MICALL1: variants seen among roughly 807,000 people sequenced by gnomAD.
MICALL1 encodes MICAL-like protein 1.
MICALL1 carries 61 observed loss-of-function variants against 83.7 expected under a neutral mutation model. The observed-to-expected ratio is 0.73, with a 90% CI of 0.59 to 0.90. The LOEUF (loss-of-function observed/expected upper bound fraction) is 0.90. Ranked by LOEUF, MICALL1 falls within the 40% of genes least tolerant of loss-of-function variation. The probability of loss-of-function intolerance (pLI) is 0.00; values close to 1 mark genes in which losing one functional copy is unlikely to be tolerated. For missense variants in MICALL1, 1,066 were observed against 1,152.0 expected (o/e 0.93, Z 1.08); for synonymous variants, 481 against 473.6 (o/e 1.02, Z -0.20).
chr22:37,927,840 C>T lies in MICALL1; in HGVS notation c.1881+14C>T, dbSNP rs202032348. 2.9e-5 allele frequency: 46 copies of T among 1,587,690 alleles called. No individual in the cohort carries two copies. In the African/African-American group the frequency reaches 4.8e-4, roughly 17 times the overall value. ...CTGCAGGTAAAGGTGAGTGCCCCCT[C>T]ACCCTCACTAAAAGTGACATCCTCT... On this transcript the variant is annotated intron_variant, in intron 9 of 15. Coordinates refer to ENST00000215957, the MANE Select transcript of MICALL1 (RefSeq NM_033386.4).
Position 37,931,922 on chromosome 22 carries a change from A to C in MICALL1, c.2005A>C (p.Ile669Leu), listed in dbSNP as rs201163077. 1.5e-5 allele frequency: 24 copies of C among 1,613,970 alleles called. No homozygotes were observed. The African/African-American group carries it at 2.9e-4, about 20-fold the overall frequency. The stretch of plus-strand genomic sequence containing the variant: ...TGCCCCTGGACACGGCTTTCCACTC[A>C]TCAAACGCAAGGTACCAGCTGGGAG... Reference protein sequence around the residue: ...PPAPGHGFPLIKRKVQADQYI... With the variant: ...PPAPGHGFPLLKRKVQADQYI... Residue 669 changes from isoleucine (I) to leucine (L), a missense_variant, in exon 10 of 16, where the codon ATC becomes CTC. Coordinates refer to ENST00000215957, the MANE Select transcript of MICALL1 (RefSeq NM_033386.4).
intron 13 of MICALL1, among the ~76,000 whole-genome samples, chr22:37,935,209 G>A (rs150403648): frequency 4.7e-4 from 71 of 151,810 alleles, no homozygotes; most frequent in Middle Eastern, 3.4e-3. Context: ...TAGGATTACA[G>A]GCGTGAGCCA....
intron 2 of MICALL1, 35 bp from the exon 3 acceptor site, chr22:37,912,316 G>A (rs775660005): frequency 1.0e-5 from 16 of 1,575,004 alleles, no homozygotes; most frequent in Middle Eastern, 1.7e-4. Flanking sequence ...TTCCTGCTTC[G>A]GCTGCTCCCG....
At chr22:37,912,591 C>A in intron 3 of MICALL1, 99 bp downstream of exon 3, 1 of 1,153,510 alleles carries the variant, frequency 8.7e-7, no homozygotes, top group Non-Finnish European at 1.2e-6. Context: ...AAACAGGCTG[C>A]TGAGGAGTGT....
intron 3 of MICALL1, among the ~76,000 whole-genome samples, chr22:37,916,009 C>T (rs941049500): frequency 2.6e-5 from 4 of 152,114 alleles, no homozygotes; most frequent in Non-Finnish European, 5.9e-5. Flanking sequence ...TCCTTAGAAT[C>T]GCAATTCAGC....
intron 1 of MICALL1, among the ~76,000 whole-genome samples, chr22:37,907,865 G>A (rs1218376231): frequency 6.6e-6 from 1 of 152,220 alleles, no homozygotes; most frequent in Non-Finnish European, 1.5e-5. Flanking sequence ...CATACTAATG[G>A]AAGCACAAGG....
Position 37,933,097 on chromosome 22 carries a change from C to T in MICALL1, c.2293C>T (p.Leu765Phe). 1 of 1,613,904 alleles carries T rather than the reference C, an allele frequency of 6.2e-7. No homozygotes were observed. The highest frequency in any genetic ancestry group is 8.5e-7 in the Non-Finnish European group (1 of 1,180,000). Reference sequence around the variant, plus strand: ...TGATGTCGAGTATGAGCTCCGGTGCCTCCTCAATAAGCCAGGTGAGTGCAG... The same window carrying T: ...TGATGTCGAGTATGAGCTCCGGTGCTTCCTCAATAAGCCAGGTGAGTGCAG... The part of the protein sequence containing the change: ...QADVEYELRC[L>F]LNKPEKDWTE... The change falls in exon 13 of 16, where the codon CTC becomes TTC. Residue 765 changes from leucine to phenylalanine, a missense_variant. Leu to Phe is a conservative substitution (Grantham distance 22, BLOSUM62 0). Transcript: ENST00000215957.
rs147806293 is a variant in MICALL1, at chr22:37,914,615, G to A, written c.337+2123G>A. ...ATATTATGTGTATATATGCGTGCGC[G>A]CACACACACACACACGCACATATAT... On this transcript the variant is annotated intron_variant, in intron 3 of 15. Coordinates refer to ENST00000215957, the MANE Select transcript of MICALL1 (RefSeq NM_033386.4). Among the ~76,000 whole-genome samples the A allele has an allele frequency of 7.3e-5, 11 of 149,848 alleles. No individual in the cohort carries two copies. In the East Asian group the frequency reaches 1.6e-3, roughly 22 times the overall value.
At chr22:37,911,300 C>A (rs1031240941) in intron 1 of MICALL1, among the ~76,000 whole-genome samples, 6 of 152,336 alleles carry the variant, frequency 3.9e-5, no homozygotes, top group African/African-American at 1.4e-4. Flanking sequence ...CAAACTTGTT[C>A]TTCTATTCAC....
chr22:37,922,646 G>C (rs1164718194), intron 6 of MICALL1, among the ~76,000 whole-genome samples: 1 of 66,226 alleles, frequency 1.5e-5, no homozygotes, highest in Non-Finnish European at 2.8e-5. Context: ...TTTTGCTCTT[G>C]TCCCCCAGGC....
intron 13 of MICALL1, among the ~76,000 whole-genome samples, chr22:37,935,183 C>T (rs1316576874): frequency 8.7e-5 from 13 of 148,812 alleles, no homozygotes; most frequent in African/African-American, 9.9e-5. Flanking sequence ...CCACCCGCCT[C>T]CGCCTCCCAA....
Position 37,932,323 on chromosome 22 carries a change from G to A in MICALL1, c.2017-230G>A, listed in dbSNP as rs1000719884. Among the ~76,000 whole-genome samples the A allele has an allele frequency of 6.6e-6, 1 of 152,228 alleles. No individual in the cohort carries two copies. The highest frequency in any genetic ancestry group is 1.5e-5 in the Non-Finnish European group (1 of 68,044). On this transcript the variant is annotated intron_variant, in intron 10 of 15. Transcript: ENST00000215957. The surrounding 1 kb of genome is among the most constrained non-coding windows in gnomAD (Gnocchi z 4.4). ...GAGGCGTTTCCGTGAAGGGCAGGGA[G>A]TCATGCCACCTTCTGGAGTGTCTGT...
At position 37,940,811 on chromosome 22, in the gene MICALL1, C is replaced by G. The variant is rs766565934; in HGVS notation, c.2573C>G (p.Ser858Cys). The change falls in exon 16 of 16, where the codon TCC (serine) becomes TGC (cysteine). Residue 858 changes from serine to cysteine, a missense_variant. Ser to Cys is a moderately radical substitution (Grantham distance 112, BLOSUM62 -1). Coordinates refer to ENST00000215957, the MANE Select transcript of MICALL1 (RefSeq NM_033386.4). ...LGNKRDAKSK[S>C]PRDKS Reference sequence around the variant, plus strand: ...AACAAACGTGATGCCAAGAGCAAGTCCCCCAGAGACAAGAGCTAACAGCAC... The same window carrying G: ...AACAAACGTGATGCCAAGAGCAAGTGCCCCAGAGACAAGAGCTAACAGCAC... 11 of 1,613,994 alleles carry G rather than the reference C, an allele frequency of 6.8e-6. No individual in the cohort carries two copies. Among genetic ancestry groups the G allele is most frequent in the South Asian group, 4.4e-5 (4 of 91,072 alleles).
Position 37,941,001 on chromosome 22 carries a change from G to A in MICALL1, c.*171G>A. The A allele has an allele frequency of 2.6e-6, 2 of 765,076 alleles. No homozygotes were observed. Among genetic ancestry groups the A allele is most frequent in the Non-Finnish European group, 4.0e-6 (2 of 494,876 alleles). The allele number at this position is 765,076 out of a possible 1,614,324, so 47.4% of individuals were successfully genotyped here. On this transcript the variant is annotated 3_prime_UTR_variant, in exon 16 of 16. Transcript: ENST00000215957. ...CCTCAGGGACCTCTGACTGCTCTGG[G>A]CCAAAGAATCTCTTGTTTCTTCTCC...
Position 37,917,717 on chromosome 22 carries a change from G to C in MICALL1, c.348G>C (p.Ser116=). 1 of 1,613,584 alleles carries C rather than the reference G, an allele frequency of 6.2e-7. No individual in the cohort carries two copies. The highest frequency in any genetic ancestry group is 8.5e-7 in the Non-Finnish European group (1 of 1,179,724). Residue 116 remains serine (S), a synonymous_variant, in exon 4 of 16, where the codon TCG becomes TCC. Transcript: ENST00000215957. The part of the protein sequence containing the change: ...HFCSPGQAGV[S]PPRKGLAPCS... ...CTCATCTCTTGGCAGCTGGTGTCTC[G>C]CCACCCAGAAAGGGCCTTGCACCCT...
At position 37,932,001 on chromosome 22, in the gene MICALL1, C is replaced by G. The variant is rs1929817370; in HGVS notation, c.2016+68C>G. 1 of 1,574,856 alleles carries G rather than the reference C, an allele frequency of 6.3e-7. No individual in the cohort carries two copies. On this transcript the variant is annotated intron_variant, in intron 10 of 15. Transcript: ENST00000215957. The surrounding 1 kb of genome is among the most constrained non-coding windows in gnomAD (Gnocchi z 4.4). ...GCAACCCCCACTCTGCAGCTGCAGT[C>G]TTCCCCTGGGACTCTAAGGAGGCTG...
At position 37,925,970 on chromosome 22, in the gene MICALL1, C is replaced by A; in HGVS notation, c.1392C>A (p.Tyr464Ter). 1 of 1,613,900 alleles carries A rather than the reference C, an allele frequency of 6.2e-7. No individual in the cohort carries two copies. Among genetic ancestry groups the A allele is most frequent in the South Asian group, 1.1e-5 (1 of 91,072 alleles). Residue 464 changes from tyrosine (Y) to a stop codon, truncating the protein, a stop_gained, in exon 8 of 16, where the codon TAC (tyrosine) becomes TAA (stop). Coordinates refer to ENST00000215957, the MANE Select transcript of MICALL1 (RefSeq NM_033386.4). LOFTEE classifies it high-confidence loss of function. ...CACCCAAGTCCCTGCACCCCTGGTA[C>A]GGCATCACCCCTACCAGCAGCCCCA... ...ESTPKSLHPW[Y>*]GITPTSSPKT...
rs1929321609 is a variant in MICALL1 at position 37,924,850 on chromosome 22, G to A, written c.1082+133G>A. On this transcript the variant is annotated intron_variant, in intron 7 of 15. Transcript: ENST00000215957. This position sits in a 1 kb window ranked among gnomAD's most constrained non-coding sequence, Gnocchi z 5.2. ...GGGCTCAGGAGGGGAAGGAGAGCTG[G>A]GCCCACACCCCTTCTCCTGAGGCTC... is the stretch of plus-strand genomic sequence containing the variant. 4.9e-6 allele frequency: 4 copies of A among 812,752 alleles called. No individual in the cohort carries two copies. The highest frequency in any genetic ancestry group is 5.5e-5 in the Admixed American group (2 of 36,324). 50.3% of individuals were successfully genotyped at this position (812,752 alleles called of 1,614,324 possible).
At chr22:37,936,150 T>G (rs1930111100) in intron 13 of MICALL1, among the ~76,000 whole-genome samples, 1 of 152,032 alleles carries the variant, frequency 6.6e-6, no homozygotes, top group Non-Finnish European at 1.5e-5. Context: ...AGGGCCCCAG[T>G]GGGCCCCTGG....
Sources: gnomAD v4.1 joint callset for allele counts (sites outside exome capture counted in the v4.1 genomes callset) on GRCh38, gnomAD v4.1.1 for gene constraint, Gnocchi (gnomAD v3.1) non-coding constraint, MANE v1.5 for transcripts, NCBI Gene and HGNC (gene_info 2026-07-23, HGNC 2026-07-21) for gene names.